Variants in ANK2 observed in about 807,000 individuals in gnomAD.
ANK2 encodes the protein ankyrin 2.
Under a neutral mutation model 360.5 loss-of-function variants are expected in ANK2, and 83 were observed. The observed-to-expected ratio is 0.23, with a 90% confidence interval of 0.19 to 0.28. The LOEUF (loss-of-function observed/expected upper bound fraction) is 0.28, where lower values mean the gene tolerates loss of function less well. ANK2 is among the 10% of genes least tolerant of loss of function. The pLI is 1.00. For synonymous variants in ANK2, 1,740 were observed against 1,759.5 expected, an observed-to-expected ratio of 0.99 and a Z score of 0.28; for missense variants, 4,201 against 4,795.7, an observed-to-expected ratio of 0.88 and a Z score of 3.66.
At chr4:113,192,544 A>C (rs1367558030) in intron 2 of ANK2, among the ~76,000 whole-genome samples, 1 of 152,178 alleles carries the variant, frequency 6.6e-6, no homozygotes, top group African/African-American at 2.4e-5. Context: ...TTAGCATTTA[A>C]TTATTTTAAA....
In ANK2 at chr4:113,179,554, C is replaced by CT. The variant is rs528531560; in HGVS notation, c.186+5043dup. 1.7e-3 allele frequency among the ~76,000 whole-genome samples: 262 copies of CT among 152,138 alleles called. 2 individuals carry two copies. Among genetic ancestry groups the CT allele is most frequent in the Non-Finnish European group, 3.2e-3 (220 of 67,962 alleles). ...AAAAGAATGTCAAGTTTTCATTTTT[C>CT]TTTTTTAAATGATTACTAATATGGT... is the stretch of plus-strand genomic sequence containing the variant. On this transcript the variant is annotated intron_variant, in intron 2 of 45. Coordinates refer to ENST00000357077, the MANE Select transcript of ANK2 (RefSeq NM_001148.6).
At chr4:113,372,668 C>T in intron 43 of ANK2, 1 of 1,360,676 alleles carries the variant, frequency 7.3e-7, no homozygotes, top group Non-Finnish European at 1.0e-6. Context: ...CAGTCCTGTC[C>T]CCATATTCTA....
At chr4:113,096,761 A>G (rs1261096150) in intron 1 of ANK2, among the ~76,000 whole-genome samples, 6 of 152,090 alleles carry the variant, frequency 3.9e-5, no homozygotes, top group African/African-American at 2.4e-5. Context: ...GAGACCATCT[A>G]TTGAAGAATA....
chr4:113,106,736 G>A, intron 1 of ANK2: 1 of 288,160 alleles, frequency 3.5e-6, no homozygotes, highest in South Asian at 3.5e-5. Flanking sequence ...CCAATCTAAT[G>A]AGTGAGAAAG....
chr4:113,078,417 G>C (rs187859497), intron 1 of ANK2, among the ~76,000 whole-genome samples: 7 of 152,320 alleles, frequency 4.6e-5, no homozygotes, highest in Non-Finnish European at 1.0e-4. Context: ...ATTGGATGTT[G>C]CTCGTCAATA....
intron 1 of ANK2, among the ~76,000 whole-genome samples, chr4:113,160,768 G>A (rs1363834966): frequency 6.6e-6 from 1 of 152,206 alleles, no homozygotes; most frequent in African/African-American, 2.4e-5. Context: ...GACCCCACTT[G>A]AGCCATGCAC....
intron 1 of ANK2, among the ~76,000 whole-genome samples, chr4:112,867,674 T>G (rs1375569983): frequency 7.1e-6 from 1 of 141,550 alleles, no homozygotes; most frequent in Non-Finnish European, 1.6e-5. Flanking sequence ...TTAAGTCTGT[T>G]TTTTTTTTTT....
chr4:113,362,421 T>G (rs186323400), intron 39 of ANK2, among the ~76,000 whole-genome samples: 2 of 151,868 alleles, frequency 1.3e-5, no homozygotes, highest in Non-Finnish European at 2.9e-5. Context: ...TATGTAATGG[T>G]TTTTTGTTTG....
chr4:113,070,334 T>C (rs986520218), intron 1 of ANK2, among the ~76,000 whole-genome samples: 5 of 152,084 alleles, frequency 3.3e-5, no homozygotes, highest in Admixed American at 3.3e-4. Context: ...ATTGTCCACC[T>C]TTATCATTAA....
intron 1 of ANK2, among the ~76,000 whole-genome samples, chr4:113,050,820 T>C (rs77557534): frequency 6.6e-6 from 1 of 152,354 alleles, no homozygotes; most frequent in African/African-American, 2.4e-5. Flanking sequence ...TTCATTTTGC[T>C]AATGAAGTTG....
At chr4:112,783,468 C>A in the ANK2 span, among the ~76,000 whole-genome samples, 1 of 152,108 alleles carries the variant, frequency 6.6e-6, no homozygotes, top group Non-Finnish European at 1.5e-5. Context: ...TCTCATCATT[C>A]CCATGCATTT....
Position 113,271,153 on chromosome 4 carries a change from A to G in ANK2, c.1486-3299A>G, listed in dbSNP as rs2153677698. 3.3e-5 allele frequency among the ~76,000 whole-genome samples: 5 copies of G among 152,304 alleles called. No individual in the cohort carries two copies. The Middle Eastern group carries it at 0.017, about 518-fold the overall frequency. ...TGCTAACGTCATTATCTCCCACTTC[A>G]AATGTAAAGAGAGCCCCTCTTCCTC... is the stretch of plus-strand genomic sequence containing the variant. On this transcript the variant is annotated intron_variant, in intron 14 of 45. Coordinates refer to ENST00000357077, the MANE Select transcript of ANK2 (RefSeq NM_001148.6).
intron 2 of ANK2, among the ~76,000 whole-genome samples, chr4:112,961,502 C>T (rs1420084462): frequency 6.6e-6 from 1 of 151,922 alleles, no homozygotes; most frequent in Non-Finnish European, 1.5e-5. Context: ...TAATAAATTC[C>T]TCATTTCTTT....
At chr4:113,235,190 A>G (rs1388210922) in intron 5 of ANK2, among the ~76,000 whole-genome samples, 2 of 152,240 alleles carry the variant, frequency 1.3e-5, no homozygotes, top group African/African-American at 4.8e-5. Context: ...GAGGTAATAC[A>G]TTTAAATATG....
At chr4:112,936,237 G>A (rs1424981239) in intron 2 of ANK2, among the ~76,000 whole-genome samples, 1 of 152,186 alleles carries the variant, frequency 6.6e-6, no homozygotes, top group East Asian at 1.9e-4. Flanking sequence ...TGATGACTTG[G>A]GAAGTTAAGT....
the ANK2 span, among the ~76,000 whole-genome samples, chr4:112,743,237 A>T: frequency 1.3e-5 from 2 of 152,176 alleles, no homozygotes; most frequent in African/African-American, 4.8e-5. Flanking sequence ...CTGATACCTG[A>T]TAATTTCATT....
At chr4:113,274,301 T>G in intron 14 of ANK2, 151 bp from the exon 15 acceptor site, 1 of 888,956 alleles carries the variant, frequency 1.1e-6, no homozygotes, top group Non-Finnish European at 1.8e-6. Flanking sequence ...TAGCAAAATA[T>G]AAAATATGCC....
intron 2 of ANK2, among the ~76,000 whole-genome samples, chr4:113,044,517 C>T (rs1245655917): frequency 6.6e-6 from 1 of 152,192 alleles, no homozygotes; most frequent in African/African-American, 2.4e-5. Context: ...CAAAGCACTA[C>T]AAACTGGGTG....
At chr4:113,225,314 A>G (rs1324461541) in intron 4 of ANK2, among the ~76,000 whole-genome samples, 1 of 152,114 alleles carries the variant, frequency 6.6e-6, no homozygotes, top group African/African-American at 2.4e-5. Flanking sequence ...ATGATTCTAT[A>G]TAGATGTATT....
Sources: allele counts gnomAD v4.1 joint callset (sites outside exome capture counted in the v4.1 genomes callset), GRCh38; gene constraint gnomAD v4.1.1; transcripts MANE v1.5; gene names NCBI Gene and HGNC (gene_info 2026-07-23, HGNC 2026-07-21).